The following KCNU1 variants were observed in gnomAD, a reference collection of about 807,000 sequenced individuals.
KCNU1 encodes the protein potassium channel subfamily U member 1.
Under a neutral mutation model 126.8 loss-of-function variants are expected in KCNU1, and 93 were observed. That is an observed-to-expected ratio of 0.73 (90% CI 0.62 to 0.87). KCNU1 has a LOEUF of 0.87. KCNU1 is among the 40% of genes least tolerant of loss of function. The pLI, the probability that KCNU1 is intolerant of heterozygous loss-of-function variation, is 0.00. For missense variants in KCNU1, 1,330 were observed against 1,367.1 expected (o/e 0.97, Z 0.43); for synonymous variants, 523 against 494.2 (o/e 1.06, Z -0.77).
intron 22 of KCNU1, among the ~76,000 whole-genome samples, chr8:36,914,305 T>A (rs962425699): frequency 9.2e-5 from 14 of 152,224 alleles, no homozygotes; most frequent in Admixed American, 6.5e-4. Flanking sequence ...CACCTTATGA[T>A]GGCTGGAGGC....
rs572356046 is a variant in KCNU1, at chr8:36,815,887, T to A, written c.995+200T>A. 7.6e-4 allele frequency among the ~76,000 whole-genome samples: 116 copies of A among 152,310 alleles called. No homozygotes were observed. The Middle Eastern group carries it at 0.034, about 45-fold the overall frequency. On this transcript the variant is annotated intron_variant, in intron 9 of 26. Transcript: ENST00000399881. The stretch of plus-strand genomic sequence containing the variant: ...TTGCTACTTGACCCAAACCACTACA[T>A]AGATGCTCATAAGAAAACTAAATCA...
intron 19 of KCNU1, among the ~76,000 whole-genome samples, chr8:36,881,627 G>T: frequency 6.6e-6 from 1 of 152,086 alleles, no homozygotes; most frequent in East Asian, 1.9e-4. Flanking sequence ...CAAAGTACTG[G>T]CATATTATAG....
At chr8:36,898,316 G>A (rs1007083434) in intron 19 of KCNU1, among the ~76,000 whole-genome samples, 1 of 140,314 alleles carries the variant, frequency 7.1e-6, no homozygotes, top group Admixed American at 6.8e-5. Context: ...ACATAAACAC[G>A]TGCACCTCAC....
chr8:36,809,419 C>A (rs893232347), intron 7 of KCNU1, among the ~76,000 whole-genome samples: 1 of 152,140 alleles, frequency 6.6e-6, no homozygotes, highest in Middle Eastern at 3.2e-3. Flanking sequence ...CCCGCAAAAG[C>A]CTTTGAGATA....
chr8:36,905,615 T>A, intron 19 of KCNU1, 93 bp from the exon 20 acceptor site: 1 of 773,068 alleles, frequency 1.3e-6, no homozygotes, highest in Admixed American at 1.8e-5. Context: ...ATTCTCCTCT[T>A]TGAGCTCAAG....
Position 36,815,691 on chromosome 8 carries a change from A to C in KCNU1, c.995+4A>C. 1 of 1,490,398 alleles carries C rather than the reference A, an allele frequency of 6.7e-7. No individual in the cohort carries two copies. Among genetic ancestry groups the C allele is most frequent in the Non-Finnish European group, 9.3e-7 (1 of 1,080,228 alleles). The allele number at this position is 1,490,398 out of a possible 1,614,324, so 92.3% of individuals were successfully genotyped here. A position where few individuals can be genotyped will look rare whatever the true frequency, so the allele number is the denominator to read the frequency against. Reference sequence around the variant, plus strand: ...ATGAAGCACTCAAAGGAAAGAAGTAAGTAGTGTTTTAAGTATAATTTCTAC... The same window carrying C: ...ATGAAGCACTCAAAGGAAAGAAGTACGTAGTGTTTTAAGTATAATTTCTAC... On this transcript the variant is annotated splice_donor_region_variant and intron_variant, in intron 9 of 26. Transcript: ENST00000399881.
intron 19 of KCNU1, chr8:36,888,797 A>G (rs374686775): frequency 1.9e-6 from 1 of 526,196 alleles, no homozygotes; most frequent in Non-Finnish European, 3.9e-6. Context: ...TGAAGAACAG[A>G]GACCAGAAAG....
At chr8:36,873,213 T>A (rs1025884436) in intron 19 of KCNU1, among the ~76,000 whole-genome samples, 1 of 152,130 alleles carries the variant, frequency 6.6e-6, no homozygotes, top group Non-Finnish European at 1.5e-5. Flanking sequence ...CAGGAAGCAA[T>A]GTGGTCCTTG....
At chr8:36,844,394 A>C (rs200691119) in intron 16 of KCNU1, among the ~76,000 whole-genome samples, 2 of 143,740 alleles carry the variant, frequency 1.4e-5, no homozygotes, top group African/African-American at 2.5e-5. Context: ...AAAAAACAAA[A>C]AAAAAAGGCT....
intron 7 of KCNU1, among the ~76,000 whole-genome samples, chr8:36,813,874 A>G (rs1415256018): frequency 6.6e-6 from 1 of 152,204 alleles, no homozygotes; most frequent in African/African-American, 2.4e-5. Context: ...AGGCCTTTGG[A>G]GTACCCTGGC....
rs1211475805 is a variant in KCNU1, at chr8:36,828,589, T to C, written c.1107-4965T>C. On this transcript the variant is annotated intron_variant, in intron 10 of 26. Coordinates refer to ENST00000399881, the MANE Select transcript of KCNU1 (RefSeq NM_001031836.3). ...ATGCTTTCATATTTTTGAATGTTGC[T>C]GTAGTTAATTGGTTGTTCTTGTTAG... Among the ~76,000 whole-genome samples the C allele has an allele frequency of 4.6e-5, 7 of 152,268 alleles. No individual in the cohort carries two copies. In the East Asian group the frequency reaches 1.4e-3, roughly 29 times the overall value.
chr8:36,836,996 T>A (rs1804775460), intron 14 of KCNU1, 51 bp downstream of exon 14: 1 of 1,580,574 alleles, frequency 6.3e-7, no homozygotes. Context: ...ATGTCCTACA[T>A]ATTAAGATCA....
intron 18 of KCNU1, among the ~76,000 whole-genome samples, chr8:36,848,692 C>T (rs1286487211): frequency 6.6e-6 from 1 of 152,180 alleles, no homozygotes; most frequent in Non-Finnish European, 1.5e-5. Flanking sequence ...TCCCCGCGTA[C>T]AGACACTGTC....
At chr8:36,792,554 G>A (rs566859276) in intron 2 of KCNU1, among the ~76,000 whole-genome samples, 4 of 152,226 alleles carry the variant, frequency 2.6e-5, no homozygotes, top group East Asian at 1.9e-4. Flanking sequence ...ATGAAGCTGC[G>A]AACTCCACAT....
chr8:36,842,682 G>C (rs958235232), intron 16 of KCNU1, among the ~76,000 whole-genome samples: 1 of 151,976 alleles, frequency 6.6e-6, no homozygotes, highest in African/African-American at 2.4e-5. Context: ...TTTTGTTTTT[G>C]TTTTTGAGAC....
At chr8:36,848,648 C>T (rs1418711773) in intron 18 of KCNU1, among the ~76,000 whole-genome samples, 8 of 152,170 alleles carry the variant, frequency 5.3e-5, no homozygotes, top group African/African-American at 1.9e-4. Flanking sequence ...TCTGTCAGGA[C>T]ATGGGAACCT....
chr8:36,846,747 GCCGAGATCATAC>G (rs1805162796), intron 18 of KCNU1, among the ~76,000 whole-genome samples: 1 of 144,704 alleles, frequency 6.9e-6, no homozygotes, highest in Non-Finnish European at 1.5e-5. Flanking sequence ...GTTGCAGTAA[GCCGAGATCATAC>G]CACTGCACTC....
In KCNU1 at chr8:36,804,052, T is replaced by C. The variant is rs372288686; in HGVS notation, c.341T>C (p.Ile114Thr). The change falls in exon 3 of 27, where the codon ATT becomes ACT. Residue 114 changes from isoleucine to threonine, a missense_variant. Ile to Thr is a moderately conservative substitution (Grantham distance 89, BLOSUM62 -1). Around this residue, in one of 3 missense-constraint regions of KCNU1, gnomAD observed 247 missense variants for 255.4 expected, o/e 0.97. Transcript: ENST00000399881. ...VLVILVFVLSIGSLIIYFINS... is the reference protein window; with the variant it reads ...VLVILVFVLSTGSLIIYFINS... ...GTGATCCTTGTCTTTGTACTAAGCATTGGGTCTCTTATAATCTATTTCATC... is the reference window on the plus strand; with the variant it reads ...GTGATCCTTGTCTTTGTACTAAGCACTGGGTCTCTTATAATCTATTTCATC... 56 of 1,559,812 alleles carry C rather than the reference T, an allele frequency of 3.6e-5. No individual in the cohort carries two copies. The highest frequency in any genetic ancestry group is 4.5e-5 in the Non-Finnish European group (52 of 1,149,242).
chr8:36,904,101 G>C (rs1807528374), intron 19 of KCNU1, among the ~76,000 whole-genome samples: 1 of 152,166 alleles, frequency 6.6e-6, no homozygotes, highest in Admixed American at 6.5e-5. Flanking sequence ...CTCCTAGGAT[G>C]TCTCCAGTTA....
Sources: allele counts gnomAD v4.1 joint callset (sites outside exome capture counted in the v4.1 genomes callset), GRCh38; gene constraint gnomAD v4.1.1; regional missense constraint gnomAD v4.1.1; transcripts MANE v1.5; gene names NCBI Gene and HGNC (gene_info 2026-07-23, HGNC 2026-07-21).